AFG2B: variants seen among roughly 807,000 people sequenced by gnomAD.
AFG2B encodes AAA ATPase AFG2B.
the AFG2B span, chr15:45,402,651 G>T: frequency 6.3e-7 from 1 of 1,578,948 alleles, no homozygotes. Flanking sequence ...TTGTGCAGCT[G>T]GACCCGCTGT....
chr15:45,414,579 G>C, the AFG2B span: 1 of 1,613,950 alleles, frequency 6.2e-7, no homozygotes, highest in Non-Finnish European at 8.5e-7. Context: ...AGAGCATTGA[G>C]TGGCCTCTGA....
the AFG2B span, chr15:45,402,481 C>T: frequency 1.2e-6 from 2 of 1,610,228 alleles, no homozygotes; most frequent in Non-Finnish European, 1.7e-6. Context: ...AAAGCTGCTA[C>T]CCTTAGACGC....
chr15:45,421,354 T>C, the AFG2B span: 1 of 546,316 alleles, frequency 1.8e-6, no homozygotes, highest in Non-Finnish European at 3.0e-6. Context: ...AACTTGTGCC[T>C]GATAAGCTAA....
chr15:45,403,227 C>T, the AFG2B span: 18 of 1,517,304 alleles, frequency 1.2e-5, 1 homozygote, highest in African/African-American at 2.5e-4. Flanking sequence ...TGGCAGTCAG[C>T]GCCCCGGCGC....
the AFG2B span, among the ~76,000 whole-genome samples, chr15:45,413,110 A>G: frequency 6.6e-6 from 1 of 152,194 alleles, no homozygotes; most frequent in East Asian, 1.9e-4. Context: ...AATTAACCAC[A>G]CCTTCCTGTT....
At chr15:45,412,832 T>A in the AFG2B span, among the ~76,000 whole-genome samples, 3 of 152,336 alleles carry the variant, frequency 2.0e-5, no homozygotes, top group East Asian at 5.8e-4. Context: ...GGGACGCAAC[T>A]CTTCAGATCC....
the AFG2B span, chr15:45,414,635 G>C: frequency 3.1e-6 from 5 of 1,614,144 alleles, no homozygotes; most frequent in Non-Finnish European, 4.2e-6. Context: ...CAACCAAAGG[G>C]AGTTCTCCTC....
At chr15:45,418,415 A>G in the AFG2B span, 1 of 635,108 alleles carries the variant, frequency 1.6e-6, no homozygotes. Context: ...CATATAAGCC[A>G]TTGATGACTT....
chr15:45,408,612 A>G, the AFG2B span, among the ~76,000 whole-genome samples: 1 of 152,198 alleles, frequency 6.6e-6, no homozygotes, highest in African/African-American at 2.4e-5. Flanking sequence ...GGTGATGCTA[A>G]CTTTTATCAA....
chr15:45,403,737 G>A, the AFG2B span, among the ~76,000 whole-genome samples: 1 of 152,132 alleles, frequency 6.6e-6, no homozygotes, highest in Non-Finnish European at 1.5e-5. Context: ...TGTGAGTCAG[G>A]ATCTGAGAGT....
chr15:45,411,708 C>T, the AFG2B span, among the ~76,000 whole-genome samples: 12 of 152,128 alleles, frequency 7.9e-5, no homozygotes, highest in African/African-American at 2.7e-4. Context: ...GACCCCAGGA[C>T]ACCCAGGAGA....
the AFG2B span, chr15:45,416,734 C>G: frequency 6.6e-6 from 1 of 152,312 alleles, no homozygotes; most frequent in African/African-American, 2.4e-5. Flanking sequence ...ATTTTGAATG[C>G]TTAGTATATG....
At chr15:45,415,689 C>T in the AFG2B span, 1 of 1,614,026 alleles carries the variant, frequency 6.2e-7, no homozygotes. Context: ...ATGTGATGTT[C>T]AAGAACGAGT....
chr15:45,406,855 T>C, the AFG2B span, among the ~76,000 whole-genome samples: 4 of 152,386 alleles, frequency 2.6e-5, no homozygotes, highest in African/African-American at 9.6e-5. Context: ...GGAGGAGTTA[T>C]GTGATCTTCT....
the AFG2B span, chr15:45,405,607 T>G: frequency 9.2e-7 from 1 of 1,086,500 alleles, no homozygotes; most frequent in African/African-American, 1.6e-5. Flanking sequence ...TTAGAACATT[T>G]GATAGCTTCC....
the AFG2B span, among the ~76,000 whole-genome samples, chr15:45,404,259 A>C: frequency 6.6e-6 from 1 of 152,132 alleles, no homozygotes; most frequent in Non-Finnish European, 1.5e-5. Context: ...TCCTTGCACT[A>C]TCTAGTACCT....
the AFG2B span, among the ~76,000 whole-genome samples, chr15:45,411,862 C>T: frequency 3.3e-5 from 5 of 152,022 alleles, no homozygotes; most frequent in East Asian, 1.9e-4. Context: ...TTTGGGAGGC[C>T]GAGGCAGGCA....
At chr15:45,413,521 A>G in the AFG2B span, among the ~76,000 whole-genome samples, 1 of 152,192 alleles carries the variant, frequency 6.6e-6, no homozygotes, top group South Asian at 2.1e-4. Context: ...CTTTGTCCCT[A>G]TGTAAAGTAC....
chr15:45,409,614 A>G, the AFG2B span, among the ~76,000 whole-genome samples: 4 of 151,920 alleles, frequency 2.6e-5, no homozygotes, highest in Non-Finnish European at 1.5e-5. Flanking sequence ...TAATCCCAGC[A>G]CTTTGGGAGG....
Sources: allele counts gnomAD v4.1 joint callset (sites outside exome capture counted in the v4.1 genomes callset), GRCh38; gene constraint gnomAD v4.1.1; transcripts MANE v1.5; gene names NCBI Gene and HGNC (gene_info 2026-07-23, HGNC 2026-07-21).